The following EPRS1 variants were observed in gnomAD, a reference collection of about 807,000 sequenced individuals.
The protein encoded by EPRS1 is glutamyl-prolyl-tRNA synthetase 1, also known as bifunctional glutamate/proline--tRNA ligase.
Under a neutral mutation model 188.3 loss-of-function variants are expected in EPRS1, and 107 were observed. The observed-to-expected ratio is 0.57, with a 90% CI of 0.49 to 0.67. The LOEUF is 0.67. Among genes scored for constraint, EPRS1 ranks in the 30% least tolerant of loss-of-function variants. The pLI is 0.00. For missense variants in EPRS1, 1,577 were observed against 1,802.2 expected (o/e 0.88, Z 2.26); for synonymous variants, 596 against 593.1 (o/e 1.00, Z -0.07).
Position 220,030,458 on chromosome 1 carries a change from A to G in EPRS1, c.551T>C (p.Val184Ala), listed in dbSNP as rs746509187. ...ARVAPEKKQD[V>A]GKFVELPGAE... Reference sequence around the variant, plus strand: ...ACCTGGAAGCTCAACAAATTTCCCAACATCTTGCTTTTTCTCAGGTGCCTG... The same window carrying G: ...ACCTGGAAGCTCAACAAATTTCCCAGCATCTTGCTTTTTCTCAGGTGCCTG... Residue 184 changes from valine to alanine, a missense_variant, in exon 6 of 32, where the codon GTT (valine) becomes GCT (alanine). Transcript: ENST00000366923. 4.3e-6 allele frequency: 7 copies of G among 1,614,000 alleles called. No individual in the cohort carries two copies. Among genetic ancestry groups the G allele is most frequent in the African/African-American group, 1.3e-5 (1 of 74,928 alleles).
intron 1 of EPRS1, among the ~76,000 whole-genome samples, chr1:220,043,092 AAAG>A (rs933873402): frequency 3.3e-5 from 5 of 152,182 alleles, no homozygotes; most frequent in African/African-American, 9.6e-5. Context: ...AAAGTGACAA[AAAG>A]AAGATGAGTC....
In EPRS1 at chr1:220,032,464, A is replaced by G. The variant is rs1662105794; in HGVS notation, c.451T>C (p.Phe151Leu). 1 of 1,613,794 alleles carries G rather than the reference A, an allele frequency of 6.2e-7. No individual in the cohort carries two copies. Among genetic ancestry groups the G allele is most frequent in the African/African-American group, 1.3e-5 (1 of 74,852 alleles). Reference sequence around the variant, plus strand: ...GCCTGCTGGGCTTCAAGAAAGCCAAACCAACGTTTTACATGAACTGGAGCT... The same window carrying G: ...GCCTGCTGGGCTTCAAGAAAGCCAAGCCAACGTTTTACATGAACTGGAGCT... ...KKAPVHVKRW[F>L]GFLEAQQAFQ... Residue 151 changes from phenylalanine (F) to leucine (L), a missense_variant, in exon 5 of 32, where the codon TTT becomes CTT. By Grantham distance (22) the Phe-to-Leu change is conservative. This residue lies in a region of EPRS1 where 1,278 missense variants were observed against 1,457.4 expected (regional missense o/e 0.88). Transcript: ENST00000366923.
At chr1:219,976,182 T>C (rs1660777410) in intron 28 of EPRS1, among the ~76,000 whole-genome samples, 1 of 152,134 alleles carries the variant, frequency 6.6e-6, no homozygotes, top group Admixed American at 6.5e-5. Context: ...ACAGATTCTA[T>C]AACCCAGTGC....
At chr1:220,042,919 C>A (rs1200744861) in intron 1 of EPRS1, among the ~76,000 whole-genome samples, 1 of 151,764 alleles carries the variant, frequency 6.6e-6, no homozygotes, top group Non-Finnish European at 1.5e-5. Flanking sequence ...GACTCCATCT[C>A]AAAAAACAAA....
At chr1:219,983,514 C>T (rs919396628) in intron 21 of EPRS1, 116 bp from the exon 22 acceptor site, 4 of 673,092 alleles carry the variant, frequency 5.9e-6, no homozygotes, top group African/African-American at 5.5e-5. Context: ...GATAACATCC[C>T]CTTAATGTGG....
rs751640319 is a variant in EPRS1 at position 220,046,378 on chromosome 1, A to G, written c.11T>C (p.Leu4Pro). 6.2e-7 allele frequency: 1 copy of G among 1,614,032 alleles called. No individual in the cohort carries two copies. Among genetic ancestry groups the G allele is most frequent in the South Asian group, 1.1e-5 (1 of 91,078 alleles). Residue 4 changes from leucine (L) to proline (P), a missense_variant, in exon 1 of 32, where the codon CTC becomes CCC. Coordinates refer to ENST00000366923, the MANE Select transcript of EPRS1 (RefSeq NM_004446.3). The part of the protein sequence containing the change: MAT[L>P]SLTVNSGDPP... ...GTCTCCTGAATTCACGGTCAGAGAGAGCGTCGCCATCTCCACCAGTCCGCT... is the reference window on the plus strand; with the variant it reads ...GTCTCCTGAATTCACGGTCAGAGAGGGCGTCGCCATCTCCACCAGTCCGCT...
intron 18 of EPRS1, among the ~76,000 whole-genome samples, chr1:219,990,841 T>C (rs1267835017): frequency 6.6e-6 from 1 of 152,156 alleles, no homozygotes; most frequent in Non-Finnish European, 1.5e-5. Context: ...TGGTATACTA[T>C]GATTTAGTAC....
Position 220,033,678 on chromosome 1 carries a change from A to G in EPRS1, c.232-20T>C. 1 of 1,563,434 alleles carries G rather than the reference A, an allele frequency of 6.4e-7. No individual in the cohort carries two copies. The highest frequency in any genetic ancestry group is 8.7e-7 in the Non-Finnish European group (1 of 1,146,376). On this transcript the variant is annotated intron_variant, in intron 3 of 31. Transcript: ENST00000366923. Reference sequence around the variant, plus strand: ...ATCAATCTGTCAACATAAAAGACAGAAAAGAAATGCATTCCAACATTTCAA... The same window carrying G: ...ATCAATCTGTCAACATAAAAGACAGGAAAGAAATGCATTCCAACATTTCAA...
chr1:220,010,765 G>A (rs1315608866), intron 13 of EPRS1, among the ~76,000 whole-genome samples, 181 bp downstream of exon 13: 6 of 148,386 alleles, frequency 4.0e-5, no homozygotes, highest in Admixed American at 3.4e-4. Context: ...AGCCGAGATC[G>A]CCCCACTGCA....
chr1:220,034,356 C>T (rs550587311), intron 3 of EPRS1, among the ~76,000 whole-genome samples: 1 of 152,224 alleles, frequency 6.6e-6, no homozygotes, highest in East Asian at 1.9e-4. Flanking sequence ...AGGCTATCCC[C>T]TTTAGGTTTT....
Position 219,989,274 on chromosome 1 carries a change from T to C in EPRS1, c.2542-451A>G, listed in dbSNP as rs938810713. Among the ~76,000 whole-genome samples the C allele has an allele frequency of 4.6e-5, 7 of 152,158 alleles. No homozygotes were observed. The East Asian group carries it at 9.6e-4, about 21-fold the overall frequency. ...TTTGGGTCCAACTAATGAATAGTTA[T>C]ATCAATTTTAAAAACTGACAATGAG... On this transcript the variant is annotated intron_variant, in intron 18 of 31. Coordinates refer to ENST00000366923, the MANE Select transcript of EPRS1 (RefSeq NM_004446.3).
At chr1:219,982,706 C>T (rs979100331) in intron 23 of EPRS1, 66 bp downstream of exon 23, 3 of 1,294,236 alleles carry the variant, frequency 2.3e-6, no homozygotes, top group African/African-American at 2.9e-5. Context: ...AAAGCTGAGA[C>T]TCAACTTTAG....
intron 28 of EPRS1, among the ~76,000 whole-genome samples, chr1:219,976,692 G>T (rs938169834): frequency 6.6e-6 from 1 of 152,084 alleles, no homozygotes; most frequent in Non-Finnish European, 1.5e-5. Context: ...CACAAGTAAA[G>T]ACACAGAGGT....
chr1:220,007,109 T>C (rs1661503570), intron 14 of EPRS1, 93 bp downstream of exon 14: 10 of 1,112,570 alleles, frequency 9.0e-6, no homozygotes, highest in East Asian at 5.3e-5. Context: ...GTCAGCAACA[T>C]GTATGGGTCT....
chr1:219,979,853 C>CT (rs1408721774), intron 26 of EPRS1, among the ~76,000 whole-genome samples: 1 of 152,048 alleles, frequency 6.6e-6, no homozygotes, highest in Non-Finnish European at 1.5e-5. Context: ...GTAATTTTAC[C>CT]TACAACAGTT....
At chr1:219,995,548 G>C (rs1020009960) in intron 18 of EPRS1, among the ~76,000 whole-genome samples, 1 of 152,122 alleles carries the variant, frequency 6.6e-6, no homozygotes, top group African/African-American at 2.4e-5. Flanking sequence ...CATACATCCA[G>C]CAGCATTTAT....
chr1:219,991,980 G>A (rs1558047989), intron 18 of EPRS1, among the ~76,000 whole-genome samples: 3 of 152,160 alleles, frequency 2.0e-5, no homozygotes, highest in Non-Finnish European at 2.9e-5. Context: ...AATAGATATA[G>A]CTGGAATTCA....
chr1:220,045,292 T>G (rs570763709), intron 1 of EPRS1, among the ~76,000 whole-genome samples: 1 of 151,584 alleles, frequency 6.6e-6, no homozygotes, highest in Admixed American at 6.6e-5. Context: ...AGCCCAGGAG[T>G]TTGAGACCTG....
chr1:220,025,661 G>A (rs1440996516), intron 6 of EPRS1, among the ~76,000 whole-genome samples: 1 of 152,086 alleles, frequency 6.6e-6, no homozygotes, highest in Non-Finnish European at 1.5e-5. Flanking sequence ...TGAGAACTGG[G>A]TGCCCACCTA....
Sources: allele counts gnomAD v4.1 joint callset (sites outside exome capture counted in the v4.1 genomes callset), GRCh38; gene constraint gnomAD v4.1.1; regional missense constraint gnomAD v4.1.1; transcripts MANE v1.5; gene names NCBI Gene and HGNC (gene_info 2026-07-23, HGNC 2026-07-21).